ANO6: variants seen among roughly 807,000 people sequenced by gnomAD.
ANO6 encodes the protein anoctamin-6.
In ANO6, 106 loss-of-function variants were observed where a neutral mutation model predicts 117.5. The ratio of observed to expected loss-of-function variants is 0.90; its 90% confidence interval spans 0.77 to 1.06. The LOEUF (loss-of-function observed/expected upper bound fraction) is 1.06. Ranked by LOEUF, ANO6 falls within the 50% of genes least tolerant of loss-of-function variation. The pLI, the probability that ANO6 is intolerant of heterozygous loss-of-function variation, is 0.00. For synonymous variants in ANO6, 367 were observed against 385.1 expected (o/e 0.95, Z 0.55); for missense variants, 955 against 1,121.1 (o/e 0.85, Z 2.12).
At chr12:45,240,609 A>G (rs933045945) in intron 1 of ANO6, among the ~76,000 whole-genome samples, 3 of 151,886 alleles carry the variant, frequency 2.0e-5, no homozygotes, top group Admixed American at 6.6e-5. Flanking sequence ...TTCGCTGGTT[A>G]TTTTGACCGT....
intron 3 of ANO6, among the ~76,000 whole-genome samples, chr12:45,341,351 T>C (rs746802923): frequency 4.6e-5 from 7 of 152,176 alleles, no homozygotes; most frequent in African/African-American, 1.2e-4. Context: ...TTTTTCATAA[T>C]AGCAAAAAGG....
chr12:45,261,158 A>G (rs765537120), intron 1 of ANO6, among the ~76,000 whole-genome samples: 25 of 152,304 alleles, frequency 1.6e-4, no homozygotes, highest in Non-Finnish European at 2.5e-4. Context: ...GGGTGATATC[A>G]GGATTCCAGG....
chr12:45,308,483 G>C (rs143674951), intron 2 of ANO6, among the ~76,000 whole-genome samples: 1 of 152,012 alleles, frequency 6.6e-6, no homozygotes, highest in African/African-American at 2.4e-5. Context: ...AGGAGAAAGG[G>C]GTGAGACACT....
intron 19 of ANO6, among the ~76,000 whole-genome samples, chr12:45,424,068 C>T (rs997626367): frequency 1.3e-5 from 2 of 150,848 alleles, no homozygotes; most frequent in African/African-American, 4.9e-5. Context: ...ACAGGGAAGA[C>T]AAGTAACTCA....
At chr12:45,373,117 G>C (rs1593029442) in intron 9 of ANO6, among the ~76,000 whole-genome samples, 1 of 151,952 alleles carries the variant, frequency 6.6e-6, no homozygotes, top group African/African-American at 2.4e-5. Flanking sequence ...GACAAAGAAG[G>C]CCATTACATA....
intron 12 of ANO6, among the ~76,000 whole-genome samples, chr12:45,393,031 G>A (rs1942498801): frequency 6.6e-6 from 1 of 152,148 alleles, no homozygotes; most frequent in Non-Finnish European, 1.5e-5. Flanking sequence ...CAGAAGGTCG[G>A]TAATAACAGA....
chr12:45,269,452 T>C (rs80224086), intron 1 of ANO6, among the ~76,000 whole-genome samples: 2,223 of 152,264 alleles, frequency 0.015, 45 homozygotes, highest in East Asian at 0.068. Flanking sequence ...GAGGCTTTGG[T>C]TTTGTGATGC....
chr12:45,216,704 C>T (rs1315070211), intron 1 of ANO6, among the ~76,000 whole-genome samples: 1 of 152,254 alleles, frequency 6.6e-6, no homozygotes, highest in African/African-American at 2.4e-5. Context: ...TCAGAAGCAA[C>T]TTTGGGGTCA....
At chr12:45,320,401 T>G (rs1940218317) in intron 2 of ANO6, among the ~76,000 whole-genome samples, 1 of 152,208 alleles carries the variant, frequency 6.6e-6, no homozygotes, top group Admixed American at 6.5e-5. Context: ...AGGAGCAGGT[T>G]GTTCAGTTTC....
intron 10 of ANO6, among the ~76,000 whole-genome samples, chr12:45,387,057 A>AGC (rs1208264577): frequency 6.6e-6 from 1 of 152,230 alleles, no homozygotes; most frequent in African/African-American, 2.4e-5. Flanking sequence ...AGCTCCTTGA[A>AGC]GCAGGGACTG....
chr12:45,316,918 T>A (rs897540793), intron 2 of ANO6, among the ~76,000 whole-genome samples: 1 of 150,014 alleles, frequency 6.7e-6, no homozygotes, highest in African/African-American at 2.4e-5. Context: ...TGTGGATATA[T>A]CTGTTGATAT....
intron 16 of ANO6, among the ~76,000 whole-genome samples, chr12:45,411,452 G>A (rs1340814397): frequency 6.6e-6 from 1 of 152,188 alleles, no homozygotes; most frequent in Non-Finnish European, 1.5e-5. Flanking sequence ...GTGGGCAACA[G>A]GAGAGTGAAA....
intron 2 of ANO6, chr12:45,313,165 G>GTTTTTACTTATTTTTAATTTTCC (rs1939900985): frequency 6.6e-6 from 1 of 152,010 alleles, no homozygotes; most frequent in African/African-American, 2.4e-5. Context: ...CTTTGGAAGT[G>GTTTTTACTTATTTTTAATTTTCC]TTTTTACTTA....
chr12:45,436,891 G>A (rs1943713230), downstream of ANO6, among the ~76,000 whole-genome samples: 3 of 152,282 alleles, frequency 2.0e-5, no homozygotes, highest in Middle Eastern at 3.4e-3. Context: ...GTTTGAACCT[G>A]GGAGGCAGAG....
At chr12:45,260,686 T>C (rs907574323) in intron 1 of ANO6, among the ~76,000 whole-genome samples, 6 of 152,190 alleles carry the variant, frequency 3.9e-5, no homozygotes, top group Non-Finnish European at 7.3e-5. Flanking sequence ...TAACAGAATG[T>C]AGGGAGAGCT....
rs1947307055 is a variant in ANO6 at position 45,216,213 on chromosome 12, C to A, written c.-109C>A. ...GGGCTCAGCGGCCCCTGAGCCCAAG[C>A]GACACACGCCCCGCGGTCCCCGATC... On this transcript the variant is annotated 5_prime_UTR_variant, in exon 1 of 20. Transcript: ENST00000320560. The A allele has an allele frequency of 1.5e-6, 2 of 1,307,146 alleles. No individual in the cohort carries two copies. The highest frequency in any genetic ancestry group is 2.2e-6 in the Non-Finnish European group (2 of 929,866). The allele number at this position is 1,307,146 out of a possible 1,614,324, so 81.0% of individuals were successfully genotyped here. A position where few individuals can be genotyped will look rare whatever the true frequency, so the allele number is the denominator to read the frequency against.
chr12:45,439,095 A>G (rs1388509044), intron 19 of ANO6, among the ~76,000 whole-genome samples: 1 of 152,194 alleles, frequency 6.6e-6, no homozygotes, highest in African/African-American at 2.4e-5. Context: ...GTTTGGTACA[A>G]TGGCTAGTCA....
At chr12:45,325,144 T>C (rs764051759) in intron 2 of ANO6, among the ~76,000 whole-genome samples, 2 of 152,212 alleles carry the variant, frequency 1.3e-5, no homozygotes, top group Non-Finnish European at 2.9e-5. Context: ...AGTTTGTGGA[T>C]AGAATATTGT....
At chr12:45,345,496 CCT>C (rs2137440298) in intron 3 of ANO6, among the ~76,000 whole-genome samples, 1 of 152,288 alleles carries the variant, frequency 6.6e-6, no homozygotes, top group South Asian at 2.1e-4. Context: ...CCTAGCAGTT[CCT>C]CTCTGTCTTG....
Sources: gnomAD v4.1 joint callset for allele counts (sites outside exome capture counted in the v4.1 genomes callset) on GRCh38, gnomAD v4.1.1 for gene constraint, MANE v1.5 for transcripts, NCBI Gene and HGNC (gene_info 2026-07-23, HGNC 2026-07-21) for gene names.